The following SYN3 variants were observed in gnomAD, a reference collection of about 807,000 sequenced individuals.
SYN3 encodes the protein synapsin-3.
A neutral mutation model predicts 65.8 loss-of-function variants in SYN3; 35 were observed. The observed-to-expected ratio is 0.53, with a 90% CI of 0.41 to 0.70. SYN3 has a LOEUF of 0.70. Ranked by LOEUF, SYN3 falls within the 30% of genes least tolerant of loss-of-function variation. The pLI is 0.00. For missense variants in SYN3, 680 were observed against 749.0 expected (o/e 0.91, Z 1.08); for synonymous variants, 270 against 292.9 (o/e 0.92, Z 0.80).
In SYN3 at chr22:32,607,849, A is replaced by T. The variant is rs572030381; in HGVS notation, c.712-11113T>A. The stretch of plus-strand genomic sequence containing the variant: ...TCCTCCTGGGTGACACTCACCATGC[A>T]GACAACATCTCCAGCAAACTGTGGC... On this transcript the variant is annotated intron_variant, in intron 6 of 13. Transcript: ENST00000358763. Among the ~76,000 whole-genome samples, 174 of 152,314 alleles carry T rather than the reference A, an allele frequency of 1.1e-3. 1 individual carries two copies. Among genetic ancestry groups the T allele is most frequent in the African/African-American group, 3.0e-3 (124 of 41,570 alleles).
intron 7 of SYN3, among the ~76,000 whole-genome samples, chr22:32,551,507 A>C (rs1358433652): frequency 7.1e-6 from 1 of 140,052 alleles, no homozygotes; most frequent in African/African-American, 2.7e-5. Flanking sequence ...GCCTCCCCCC[A>C]CCAACAAATA....
chr22:33,039,471 GTTCAAGCGATTCTCCTGCA>G (rs373974503), intron 1 of SYN3, among the ~76,000 whole-genome samples: 14 of 151,346 alleles, frequency 9.3e-5, no homozygotes, highest in African/African-American at 3.4e-4. Flanking sequence ...CGCCTCCTGG[GTTCAAGCGATTCTCCTGCA>G]TTCAAGCGAT....
intron 6 of SYN3, among the ~76,000 whole-genome samples, chr22:32,772,227 T>C (rs2045789849): frequency 2.0e-5 from 3 of 151,760 alleles, no homozygotes; most frequent in Non-Finnish European, 4.4e-5. Context: ...GCTGCAGATG[T>C]TGGTGTTGTT....
At chr22:32,943,106 A>G (rs2146771444) in intron 3 of SYN3, among the ~76,000 whole-genome samples, 1 of 152,324 alleles carries the variant, frequency 6.6e-6, no homozygotes, top group South Asian at 2.1e-4. Context: ...CACCACAAAG[A>G]TACTCCTCGA....
At chr22:32,536,157 T>A (rs944916034) in intron 9 of SYN3, among the ~76,000 whole-genome samples, 7 of 152,188 alleles carry the variant, frequency 4.6e-5, no homozygotes, top group African/African-American at 1.7e-4. Flanking sequence ...TGGGCTCACA[T>A]TCCGGAAGGG....
intron 6 of SYN3, among the ~76,000 whole-genome samples, chr22:32,606,034 G>C (rs1337926795): frequency 6.6e-6 from 1 of 152,226 alleles, no homozygotes; most frequent in African/African-American, 2.4e-5. Flanking sequence ...GATGGTTGTT[G>C]CTAGTGGAGA....
intron 1 of SYN3, among the ~76,000 whole-genome samples, chr22:33,038,888 AG>A (rs769514781): frequency 5.3e-5 from 8 of 152,322 alleles, no homozygotes; most frequent in Admixed American, 2.6e-4. Flanking sequence ...TGCAGGCGGA[AG>A]CCCCGGGGCT....
At chr22:32,854,792 C>G (rs1238701028) in intron 6 of SYN3, among the ~76,000 whole-genome samples, 1 of 152,130 alleles carries the variant, frequency 6.6e-6, no homozygotes, top group Admixed American at 6.5e-5. Context: ...GTTGGCAAGC[C>G]TTGGGGGAGA....
At chr22:32,622,286 G>A (rs769758852) in intron 6 of SYN3, among the ~76,000 whole-genome samples, 5 of 151,600 alleles carry the variant, frequency 3.3e-5, no homozygotes, top group East Asian at 1.9e-4. Flanking sequence ...TCCTCCTCTG[G>A]GCCTCAGTTG....
At chr22:32,533,559 T>C (rs573638922) in intron 10 of SYN3, among the ~76,000 whole-genome samples, 21 of 152,280 alleles carry the variant, frequency 1.4e-4, no homozygotes, top group African/African-American at 5.1e-4. Flanking sequence ...GGGGATGTTG[T>C]TCAACCTCGG....
At chr22:33,027,013 T>C (rs746287386) in intron 1 of SYN3, among the ~76,000 whole-genome samples, 81 of 152,138 alleles carry the variant, frequency 5.3e-4, no homozygotes, top group Non-Finnish European at 1.6e-4. Flanking sequence ...TTTTCCTCCT[T>C]CTTGGTTCTG....
chr22:32,516,926 A>G (rs1474322691), intron 13 of SYN3, among the ~76,000 whole-genome samples: 1 of 152,222 alleles, frequency 6.6e-6, no homozygotes, highest in East Asian at 1.9e-4. Context: ...TAAGTGGACA[A>G]TAGCTGTTAG....
chr22:32,910,304 G>C (rs1191415265), intron 4 of SYN3, among the ~76,000 whole-genome samples: 1 of 152,166 alleles, frequency 6.6e-6, no homozygotes, highest in Non-Finnish European at 1.5e-5. Context: ...GGGTTAAAGA[G>C]ATGGGGGTGG....
At chr22:32,972,626 T>A (rs939846921) in intron 3 of SYN3, among the ~76,000 whole-genome samples, 1 of 152,182 alleles carries the variant, frequency 6.6e-6, no homozygotes, top group African/African-American at 2.4e-5. Context: ...CTGCTTCTAG[T>A]GGTAGTTACA....
intron 7 of SYN3, among the ~76,000 whole-genome samples, chr22:32,567,755 G>A (rs893659650): frequency 3.3e-5 from 5 of 152,238 alleles, no homozygotes; most frequent in South Asian, 4.1e-4. Flanking sequence ...TGACCAGCCC[G>A]AGGTCACACA....
At chr22:32,575,457 G>A (rs1019125691) in intron 7 of SYN3, among the ~76,000 whole-genome samples, 4 of 152,170 alleles carry the variant, frequency 2.6e-5, no homozygotes, top group Non-Finnish European at 5.9e-5. Flanking sequence ...TCCAGAGGGC[G>A]GCAGCCTGGT....
At chr22:32,859,147 G>A in intron 6 of SYN3, 1 of 1,610,024 alleles carries the variant, frequency 6.2e-7, no homozygotes, top group Non-Finnish European at 8.5e-7. Context: ...CCATGGCAGA[G>A]TCCATCAACT....
intron 6 of SYN3, among the ~76,000 whole-genome samples, chr22:32,644,074 A>G (rs2059946754): frequency 2.8e-5 from 1 of 36,174 alleles, no homozygotes; most frequent in Non-Finnish European, 5.0e-5. Flanking sequence ...ACTCTGCCTC[A>G]AAAAAAAAAA....
At chr22:33,046,461 T>C (rs1275365143) in intron 1 of SYN3, among the ~76,000 whole-genome samples, 1 of 152,186 alleles carries the variant, frequency 6.6e-6, no homozygotes. Flanking sequence ...GGCTCACACC[T>C]GTAATCCCAG....
Sources: gnomAD v4.1 joint callset for allele counts (sites outside exome capture counted in the v4.1 genomes callset) on GRCh38, gnomAD v4.1.1 for gene constraint, MANE v1.5 for transcripts, NCBI Gene and HGNC (gene_info 2026-07-23, HGNC 2026-07-21) for gene names.